Variants in KLKB1 observed in about 807,000 individuals in gnomAD.
KLKB1 encodes kallikrein B1.
Under a neutral mutation model 73.6 loss-of-function variants are expected in KLKB1, and 58 were observed. The observed-to-expected ratio is 0.79, with a 90% CI of 0.64 to 0.98. KLKB1 has a LOEUF of 0.98. KLKB1 is among the 50% of genes least tolerant of loss of function. The probability of loss-of-function intolerance (pLI) is 0.00; values close to 1 mark genes in which losing one functional copy is unlikely to be tolerated. For missense variants in KLKB1, 737 were observed against 763.8 expected (o/e 0.96, Z 0.41); for synonymous variants, 280 against 258.1 (o/e 1.08, Z -0.81).
chr4:186,237,721 T>C (rs1272479199), intron 5 of KLKB1, among the ~76,000 whole-genome samples: 2 of 152,188 alleles, frequency 1.3e-5, no homozygotes, highest in Non-Finnish European at 2.9e-5. Context: ...GTTACTTTGA[T>C]GTATTTTACA....
At chr4:186,240,747 T>C (rs1422667735) in intron 6 of KLKB1, among the ~76,000 whole-genome samples, 2 of 152,186 alleles carry the variant, frequency 1.3e-5, no homozygotes, top group East Asian at 3.9e-4. Context: ...ACCTTCTCCA[T>C]GGTGTGTGCC....
At chr4:186,234,123 T>C in intron 4 of KLKB1, 65 bp downstream of exon 4, 1 of 1,235,370 alleles carries the variant, frequency 8.1e-7, no homozygotes, top group South Asian at 1.2e-5. Context: ...CAGCTTTTGC[T>C]CAAAGTTTGT....
At chr4:186,244,907 G>C (rs1404138663) in intron 6 of KLKB1, among the ~76,000 whole-genome samples, 6 of 152,080 alleles carry the variant, frequency 3.9e-5, no homozygotes, top group Admixed American at 3.9e-4. Context: ...GATGGTAAGG[G>C]GTGCACGATA....
chr4:186,232,313 G>A (rs1027580862), intron 3 of KLKB1, 24 bp downstream of exon 3: 8 of 1,608,292 alleles, frequency 5.0e-6, no homozygotes, highest in African/African-American at 1.3e-5. Flanking sequence ...TTTCATTATT[G>A]GAGAAGCTGT....
At chr4:186,243,195 G>A (rs4253281) in intron 6 of KLKB1, among the ~76,000 whole-genome samples, 89,326 of 151,978 alleles carry the variant, frequency 0.59, 27,100 homozygotes, top group African/African-American at 0.74. Context: ...GAGGAGTGGA[G>A]TAGCAGATGG....
intron 14 of KLKB1, 136 bp from the exon 15 acceptor site, chr4:186,257,885 C>A: frequency 2.4e-6 from 2 of 841,304 alleles, no homozygotes; most frequent in South Asian, 1.5e-5. Flanking sequence ...TGATGAAACC[C>A]ATCTCTACAA....
chr4:186,235,994 G>T (rs1737654637), intron 4 of KLKB1, among the ~76,000 whole-genome samples: 1 of 151,562 alleles, frequency 6.6e-6, no homozygotes, highest in Admixed American at 6.6e-5. Context: ...CGCGCCTGTA[G>T]TCCCAGCTAC....
At chr4:186,241,127 C>T (rs1561456569) in intron 6 of KLKB1, among the ~76,000 whole-genome samples, 2 of 152,086 alleles carry the variant, frequency 1.3e-5, no homozygotes, top group African/African-American at 2.4e-5. Flanking sequence ...TCACTGAGTA[C>T]GTGGTCCCCG....
intron 2 of KLKB1, chr4:186,212,381 T>A (rs1439023331): frequency 6.6e-6 from 1 of 152,214 alleles, no homozygotes; most frequent in Non-Finnish European, 1.5e-5. Flanking sequence ...TAATTCAACC[T>A]TATAGATCAT....
intron 2 of KLKB1, among the ~76,000 whole-genome samples, chr4:186,218,385 A>G (rs1736956275): frequency 6.6e-6 from 1 of 152,234 alleles, no homozygotes; most frequent in Non-Finnish European, 1.5e-5. Flanking sequence ...GGTTTCAACT[A>G]CATGCCACTA....
intron 2 of KLKB1, chr4:186,211,682 CACACACACACACACAT>C: frequency 1.1e-5 from 1 of 91,062 alleles, no homozygotes; most frequent in Non-Finnish European, 2.5e-5. Context: ...CACACACACA[CACACACACACACACAT>C]ACACACATAT....
rs72647310 is a variant in KLKB1 at position 186,214,184 on chromosome 4, T to C, written c.201+4912T>C. 4.5e-4 allele frequency among the ~76,000 whole-genome samples: 69 copies of C among 152,334 alleles called. 1 individual carries two copies. In the East Asian group the frequency reaches 0.013, roughly 29 times the overall value. ...GCAATAGAACCTCTGGAGCAGCTGC[T>C]GGGTGATGAGAAGAAGCAGGCAGAA... On this transcript the variant is annotated intron_variant, in intron 2 of 14. Coordinates refer to the KLKB1 transcript ENST00000511608.
chr4:186,256,620 A>T (rs1739004221), intron 13 of KLKB1, among the ~76,000 whole-genome samples: 1 of 152,196 alleles, frequency 6.6e-6, no homozygotes, highest in Admixed American at 6.5e-5. Flanking sequence ...AATTTAAAGT[A>T]ATCTTCACTA....
intron 6 of KLKB1, among the ~76,000 whole-genome samples, chr4:186,246,767 A>G (rs891077878): frequency 1.3e-5 from 2 of 152,146 alleles, no homozygotes; most frequent in African/African-American, 4.8e-5. Context: ...TCTTGCCACT[A>G]AGGGTGAAGG....
rs556923527 is a variant in KLKB1, at chr4:186,211,640, C to T, written c.201+2368C>T. On this transcript the variant is annotated intron_variant, in intron 2 of 14. Coordinates refer to the KLKB1 transcript ENST00000511608. ...AGTTCTAGAATTTTTTAAAGGTATT[C>T]ATGGTGACTCAGGAATACACACATA... is the stretch of plus-strand genomic sequence containing the variant. 12 of 146,422 alleles carry T rather than the reference C, an allele frequency of 8.2e-5. No homozygotes were observed. In the Admixed American group the frequency reaches 8.2e-4, roughly 10 times the overall value. 9.1% of individuals were successfully genotyped at this position (146,422 alleles called of 1,614,324 possible).
At position 186,249,568 on chromosome 4, in the gene KLKB1, T is replaced by G. The variant is rs192688933; in HGVS notation, c.599-675T>G. On this transcript the variant is annotated intron_variant, in intron 6 of 14. Coordinates refer to ENST00000264690, the MANE Select transcript of KLKB1 (RefSeq NM_000892.5). ...CAGTCTGAGTGCTTTTATTTTGTCC[T>G]TTTTCAAGATTAATTTGGTTATTCC... Among the ~76,000 whole-genome samples the G allele has an allele frequency of 1.6e-3, 249 of 152,326 alleles. 1 individual carries two copies. Among genetic ancestry groups the G allele is most frequent in the Non-Finnish European group, 2.4e-3 (165 of 68,026 alleles).
intron 2 of KLKB1, among the ~76,000 whole-genome samples, chr4:186,231,730 A>G (rs558464611): frequency 6.6e-6 from 1 of 152,372 alleles, no homozygotes; most frequent in East Asian, 1.9e-4. Flanking sequence ...TTTCCCTTAC[A>G]GAATTGTGAG....
At chr4:186,226,418 T>G (rs1166777990), upstream of KLKB1, 4 of 152,376 alleles carry the variant, frequency 2.6e-5, no homozygotes, top group Non-Finnish European at 5.9e-5. Flanking sequence ...CATTCACTAG[T>G]CAGATTGACC....
intron 2 of KLKB1, among the ~76,000 whole-genome samples, chr4:186,220,258 C>T (rs1384771252): frequency 6.6e-6 from 1 of 152,156 alleles, no homozygotes; most frequent in African/African-American, 2.4e-5. Context: ...GATGTTGATT[C>T]AGAGCATACA....
Sources: allele counts gnomAD v4.1 joint callset (sites outside exome capture counted in the v4.1 genomes callset), GRCh38; gene constraint gnomAD v4.1.1; transcripts MANE v1.5; gene names NCBI Gene and HGNC (gene_info 2026-07-23, HGNC 2026-07-21).